SGK2: variants seen among roughly 807,000 people sequenced by gnomAD.
SGK2 encodes serum/glucocorticoid regulated kinase 2.
Under a neutral mutation model 47.5 loss-of-function variants are expected in SGK2, and 36 were observed. The ratio of observed to expected loss-of-function variants is 0.76; its 90% CI spans 0.58 to 1.00. The LOEUF is 1.00. Ranked by LOEUF, SGK2 falls within the 50% of genes least tolerant of loss-of-function variation. The pLI is 0.00. For synonymous variants in SGK2, 157 were observed against 181.9 expected (o/e 0.86, Z 1.10); for missense variants, 404 against 467.4 (o/e 0.86, Z 1.25).
intron 12 of SGK2, 50 bp from the exon 13 acceptor site, chr20:43,584,802 G>T: frequency 1.3e-6 from 2 of 1,536,434 alleles, no homozygotes; most frequent in South Asian, 1.1e-5. Flanking sequence ...GGGCTCCTTT[G>T]GCAGCTCTGA....
At position 43,561,677 on chromosome 20, in the gene SGK2, G is replaced by A. The variant is rs1024917222; in HGVS notation, c.-24+2518G>A. ...ACTGGGATTACAGGTGTGAGCCACC[G>A]CGCCCAGCTGAGGCTTTGGATTTTA... On this transcript the variant is annotated intron_variant, in intron 1 of 12. Coordinates refer to ENST00000373100, the MANE Select transcript of SGK2 (RefSeq NM_170693.3). Among the ~76,000 whole-genome samples, 45 of 151,846 alleles carry A rather than the reference G, an allele frequency of 3.0e-4. 1 individual carries two copies. The highest frequency in any genetic ancestry group is 9.7e-4 in the East Asian group (5 of 5,146).
At chr20:43,562,089 T>C (rs150609121) in intron 1 of SGK2, among the ~76,000 whole-genome samples, 61 of 152,098 alleles carry the variant, frequency 4.0e-4, no homozygotes, top group African/African-American at 1.4e-3. Flanking sequence ...GGAAGGAATA[T>C]GAGTCAAGAC....
intron 4 of SGK2, 80 bp downstream of exon 4, chr20:43,567,802 T>C (rs575510896): frequency 2.5e-4 from 394 of 1,563,784 alleles, no homozygotes; most frequent in Non-Finnish European, 3.3e-4. Flanking sequence ...CTTGTATGTA[T>C]GAAGAGAGAG....
At chr20:43,576,446 A>C in intron 11 of SGK2, 67 bp downstream of exon 11, 15 of 1,431,682 alleles carry the variant, frequency 1.0e-5, no homozygotes, top group Non-Finnish European at 1.4e-5. Flanking sequence ...GGCAGCTCAG[A>C]AGCACATTAA....
At chr20:43,577,637 C>T (rs1980545473) in intron 11 of SGK2, among the ~76,000 whole-genome samples, 1 of 150,142 alleles carries the variant, frequency 6.7e-6, no homozygotes, top group Non-Finnish European at 1.5e-5. Context: ...GAGTGAGCTA[C>T]CATGCTTGGC....
intron 11 of SGK2, among the ~76,000 whole-genome samples, chr20:43,576,662 C>A (rs1236840188): frequency 6.6e-6 from 1 of 152,126 alleles, no homozygotes; most frequent in East Asian, 1.9e-4. Flanking sequence ...GGGTGGGGGC[C>A]GGGTGCGGCA....
At chr20:43,564,441 A>T (rs998833706) in intron 1 of SGK2, among the ~76,000 whole-genome samples, 3 of 152,226 alleles carry the variant, frequency 2.0e-5, no homozygotes, top group African/African-American at 7.2e-5. Flanking sequence ...GATGGTCTAC[A>T]CAGGGTTCGT....
intron 6 of SGK2, 92 bp downstream of exon 6, chr20:43,569,608 A>T (rs567536237): frequency 7.0e-7 from 1 of 1,433,000 alleles, no homozygotes. Flanking sequence ...TTCTGGAATG[A>T]TCTCACTTCA....
chr20:43,564,682 A>G (rs995040457), intron 1 of SGK2: 5 of 152,646 alleles, frequency 3.3e-5, no homozygotes, highest in Non-Finnish European at 7.3e-5. Context: ...ATTCACATAC[A>G]AAGATACACA....
At chr20:43,569,805 G>A (rs1322219355) in intron 6 of SGK2, among the ~76,000 whole-genome samples, 1 of 152,174 alleles carries the variant, frequency 6.6e-6, no homozygotes, top group East Asian at 1.9e-4. Context: ...ATAGGCCCGG[G>A]AAAGGTCAAT....
At position 43,574,995 on chromosome 20, in the gene SGK2, C is replaced by T. The variant is rs766187049; in HGVS notation, c.684C>T (p.Leu228=). Residue 228 remains leucine, a synonymous_variant, in exon 10 of 13, where the codon CTC becomes CTT. Transcript: ENST00000373100. The part of the protein sequence containing the change: ...WCLGAVLYEM[L]HGLPPFYSQD... ...TGGGGGCAGTCCTCTACGAGATGCT[C>T]CATGGCCTGGTGAGTCAGGGGTAGC... The T allele has an allele frequency of 6.2e-7, 1 of 1,612,714 alleles. No individual in the cohort carries two copies. Among genetic ancestry groups the T allele is most frequent in the Non-Finnish European group, 8.5e-7 (1 of 1,178,906 alleles).
At chr20:43,576,421 G>A (rs763227) in intron 11 of SGK2, 42 bp downstream of exon 11, 1,225,572 of 1,587,172 alleles carry the variant, frequency 0.77, 474,825 homozygotes, top group East Asian at 0.79. Context: ...CATGGGGCTC[G>A]CAGCTTCCTG....
chr20:43,580,620 C>G (rs575744422), intron 12 of SGK2, among the ~76,000 whole-genome samples: 1 of 146,358 alleles, frequency 6.8e-6, no homozygotes, highest in African/African-American at 2.5e-5. Context: ...CCCTGCTACT[C>G]GGGAGGCTGA....
Position 43,572,495 on chromosome 20 carries a change from G to A in SGK2, c.597+358G>A, listed in dbSNP as rs1343811136. Among the ~76,000 whole-genome samples the A allele has an allele frequency of 6.6e-6, 1 of 152,134 alleles. No individual in the cohort carries two copies. The highest frequency in any genetic ancestry group is 1.5e-5 in the Non-Finnish European group (1 of 68,026). On this transcript the variant is annotated intron_variant, in intron 9 of 12. Coordinates refer to ENST00000373100, the MANE Select transcript of SGK2 (RefSeq NM_170693.3). This position sits in a 1 kb window ranked among gnomAD's most constrained non-coding sequence, Gnocchi z 4.2. Reference sequence around the variant, plus strand: ...GTTTGAGACCAGCCTGGGTAACATGGTGAAACCCCATCTCTACTAAAAATA... The same window carrying A: ...GTTTGAGACCAGCCTGGGTAACATGATGAAACCCCATCTCTACTAAAAATA...
At chr20:43,568,989 T>C (rs1003119506) in intron 5 of SGK2, among the ~76,000 whole-genome samples, 1 of 152,046 alleles carries the variant, frequency 6.6e-6, no homozygotes, top group Non-Finnish European at 1.5e-5. Flanking sequence ...ATTCTGATGG[T>C]CTGAAAAGAG....
At chr20:43,570,977 C>A (rs62224805) in intron 7 of SGK2, 47 bp from the exon 8 acceptor site, 44,674 of 1,612,046 alleles carry the variant, frequency 0.028, 724 homozygotes, top group Middle Eastern at 0.035. Context: ...ACTCTCCTCA[C>A]TAAATGGCTG....
chr20:43,568,731 A>G (rs529359701), intron 5 of SGK2, among the ~76,000 whole-genome samples: 1 of 152,306 alleles, frequency 6.6e-6, no homozygotes, highest in South Asian at 2.1e-4. Context: ...TCAGCCTCCC[A>G]AAGTGCTGGG....
chr20:43,567,012 A>G (rs1321895389), intron 2 of SGK2, 56 bp from the exon 3 acceptor site: 23 of 1,433,464 alleles, frequency 1.6e-5, no homozygotes, highest in Non-Finnish European at 2.3e-5. Context: ...GGGCCAGGAG[A>G]AAGGGAGGTA....
chr20:43,566,580 C>A (rs183233061), intron 2 of SGK2, 49 bp downstream of exon 2: 6 of 1,339,162 alleles, frequency 4.5e-6, no homozygotes, highest in East Asian at 2.3e-5. Context: ...CACTTCTTCC[C>A]GAGGCTAAGG....
Sources: allele counts gnomAD v4.1 joint callset (sites outside exome capture counted in the v4.1 genomes callset), GRCh38; gene constraint gnomAD v4.1.1; non-coding constraint Gnocchi (gnomAD v3.1); transcripts MANE v1.5; gene names NCBI Gene and HGNC (gene_info 2026-07-23, HGNC 2026-07-21).